The following SAE1 variants were observed in gnomAD, a reference collection of about 807,000 sequenced individuals.
SAE1 encodes SUMO-activating enzyme subunit 1.
A neutral mutation model predicts 40.6 loss-of-function variants in SAE1; 11 were observed. The ratio of observed to expected loss-of-function variants is 0.27; its 90% CI spans 0.17 to 0.45. SAE1 has a LOEUF of 0.45. SAE1 is among the 20% of genes least tolerant of loss of function. SAE1 has a pLI of 1.00. For missense variants in SAE1, 373 were observed against 427.3 expected (o/e 0.87, Z 1.12); for synonymous variants, 155 against 154.3 (o/e 1.00, Z -0.03).
At chr19:47,141,094 C>T (rs144525476) in intron 1 of SAE1, among the ~76,000 whole-genome samples, 10 of 152,190 alleles carry the variant, frequency 6.6e-5, no homozygotes, top group African/African-American at 2.4e-4. Context: ...CTCCGCCTCC[C>T]AGGTTTGAGT....
intron 5 of SAE1, among the ~76,000 whole-genome samples, chr19:47,163,974 C>G (rs1171505182): frequency 6.6e-6 from 1 of 150,970 alleles, no homozygotes; most frequent in South Asian, 2.1e-4. Context: ...TCACCTTGTT[C>G]GCCAGGCTGG....
intron 6 of SAE1, among the ~76,000 whole-genome samples, chr19:47,196,136 C>T (rs1218536810): frequency 2.7e-5 from 4 of 149,624 alleles, no homozygotes; most frequent in African/African-American, 4.9e-5. Flanking sequence ...ACCTCTGCCT[C>T]CTGGGTTCAA....
At chr19:47,143,036 T>G (rs547798618) in intron 1 of SAE1, among the ~76,000 whole-genome samples, 3 of 152,304 alleles carry the variant, frequency 2.0e-5, no homozygotes, top group Admixed American at 6.5e-5. Flanking sequence ...AATTGTTTTG[T>G]GCAGTATGGA....
At chr19:47,182,891 T>C (rs933317248) in intron 6 of SAE1, among the ~76,000 whole-genome samples, 1 of 152,028 alleles carries the variant, frequency 6.6e-6, no homozygotes, top group Non-Finnish European at 1.5e-5. Context: ...AAGACCAACA[T>C]GGGCAACATA....
intron 6 of SAE1, among the ~76,000 whole-genome samples, chr19:47,193,581 G>C (rs909038205): frequency 6.6e-6 from 1 of 151,374 alleles, no homozygotes; most frequent in Admixed American, 6.6e-5. Context: ...CAGCACTTTG[G>C]GGGGCCAAGG....
intron 1 of SAE1, among the ~76,000 whole-genome samples, chr19:47,134,320 G>A (rs2058165665): frequency 6.6e-6 from 1 of 151,600 alleles, no homozygotes; most frequent in African/African-American, 2.4e-5. Context: ...GAGGGGGTGG[G>A]AGCTTTCAGA....
At chr19:47,135,482 T>C (rs959155940) in intron 1 of SAE1, 1 of 152,164 alleles carries the variant, frequency 6.6e-6, no homozygotes, top group African/African-American at 2.4e-5. Context: ...TCCAGTGCCC[T>C]CCCTGTTGTT....
chr19:47,199,196 C>G (rs2058636067), intron 7 of SAE1, among the ~76,000 whole-genome samples: 1 of 151,836 alleles, frequency 6.6e-6, no homozygotes, highest in South Asian at 2.1e-4. Flanking sequence ...ACCATCGTGG[C>G]TAACATGGTG....
intron 3 of SAE1, 89 bp from the exon 4 acceptor site, chr19:47,152,809 G>C: frequency 7.7e-7 from 1 of 1,296,892 alleles, no homozygotes; most frequent in Non-Finnish European, 1.1e-6. Flanking sequence ...CATGCCCAGA[G>C]AGACTGTTCA....
intron 6 of SAE1, among the ~76,000 whole-genome samples, chr19:47,176,171 G>A (rs2058467505): frequency 6.6e-6 from 1 of 152,170 alleles, no homozygotes; most frequent in South Asian, 2.1e-4. Flanking sequence ...AATGGTAGGG[G>A]AAGAGCATAC....
At chr19:47,171,953 T>A (rs1001461274) in intron 6 of SAE1, among the ~76,000 whole-genome samples, 9 of 152,164 alleles carry the variant, frequency 5.9e-5, no homozygotes, top group Admixed American at 1.3e-4. Flanking sequence ...GGAGTCTCAC[T>A]CTGTCACCCA....
At chr19:47,152,514 G>T (rs2058293943) in intron 3 of SAE1, among the ~76,000 whole-genome samples, 4 of 152,138 alleles carry the variant, frequency 2.6e-5, no homozygotes, top group Admixed American at 2.6e-4. Context: ...AACTGGTTTT[G>T]CTTGTCCCTG....
chr19:47,182,507 ACGCGCGCGCG>A (rs1308937901), intron 6 of SAE1, among the ~76,000 whole-genome samples: 1 of 137,590 alleles, frequency 7.3e-6, no homozygotes, highest in Non-Finnish European at 1.5e-5. Flanking sequence ...GCGCGCACGC[ACGCGCGCGCG>A]CACACCACTG....
intron 2 of SAE1, among the ~76,000 whole-genome samples, 199 bp downstream of exon 2, chr19:47,143,804 T>C (rs868017133): frequency 6.6e-6 from 1 of 152,130 alleles, no homozygotes; most frequent in Non-Finnish European, 1.5e-5. Context: ...GGATGAGCAG[T>C]AGAGACTCAC....
chr19:47,197,291 A>G lies in SAE1; in HGVS notation c.792A>G (p.Glu264=). ...GRDPSSDTYE[E]DSELLLQIRN... Reference sequence around the variant, plus strand: ...ATCCCAGTTCTGATACATATGAGGAAGATTCTGAGTTGTTGCTCCAGATAC... The same window carrying G: ...ATCCCAGTTCTGATACATATGAGGAGGATTCTGAGTTGTTGCTCCAGATAC... The change falls in exon 7 of 9, where the codon GAA becomes GAG. Residue 264 remains glutamate (E), a synonymous_variant. Coordinates refer to ENST00000270225, the MANE Select transcript of SAE1 (RefSeq NM_005500.3). The G allele has an allele frequency of 6.2e-7, 1 of 1,614,086 alleles. No individual in the cohort carries two copies. Among genetic ancestry groups the G allele is most frequent in the Non-Finnish European group, 8.5e-7 (1 of 1,179,940 alleles).
intron 1 of SAE1, among the ~76,000 whole-genome samples, chr19:47,137,507 A>T (rs431566): frequency 0.048 from 7,244 of 151,830 alleles, 520 homozygotes; most frequent in African/African-American, 0.16. Context: ...TACAACTAAA[A>T]TTTTTTTTTC....
intron 1 of SAE1, among the ~76,000 whole-genome samples, chr19:47,131,608 C>T (rs935547636): frequency 6.6e-6 from 1 of 151,620 alleles, no homozygotes; most frequent in East Asian, 1.9e-4. Context: ...GCCGTAGGCT[C>T]CCGAAAAGGT....
At chr19:47,153,066 A>G (rs1420651723) in intron 4 of SAE1, 26 bp downstream of exon 4, 1 of 1,556,316 alleles carries the variant, frequency 6.4e-7, no homozygotes, top group Non-Finnish European at 8.7e-7. Flanking sequence ...GGAGGGGAGA[A>G]CATAACATTT....
intron 5 of SAE1, among the ~76,000 whole-genome samples, chr19:47,168,608 G>T (rs1460941901): frequency 6.6e-6 from 1 of 151,962 alleles, no homozygotes; most frequent in East Asian, 1.9e-4. Flanking sequence ...ATGTGTTGTT[G>T]TTGTTGTTTT....
Sources: allele counts gnomAD v4.1 joint callset (sites outside exome capture counted in the v4.1 genomes callset), GRCh38; gene constraint gnomAD v4.1.1; transcripts MANE v1.5; gene names NCBI Gene and HGNC (gene_info 2026-07-23, HGNC 2026-07-21).